Variants in SLK observed in about 807,000 individuals in gnomAD.
SLK encodes STE20 like kinase.
Under a neutral mutation model 147.7 loss-of-function variants are expected in SLK, and 67 were observed. The observed-to-expected ratio is 0.45, with a 90% CI of 0.37 to 0.56. The LOEUF (loss-of-function observed/expected upper bound fraction) is 0.56, where lower values mean the gene tolerates loss of function less well. SLK is among the 20% of genes least tolerant of loss of function. The probability of loss-of-function intolerance (pLI) is 0.00; values close to 1 mark genes in which losing one functional copy is unlikely to be tolerated. For synonymous variants in SLK, 441 were observed against 475.0 expected (o/e 0.93, Z 0.93); for missense variants, 1,136 against 1,438.8 (o/e 0.79, Z 3.41).
intron 1 of SLK, among the ~76,000 whole-genome samples, chr10:103,975,334 C>T (rs892531937): frequency 6.6e-6 from 1 of 152,116 alleles, no homozygotes; most frequent in African/African-American, 2.4e-5. Flanking sequence ...TGTCTTCCCA[C>T]TCAGTAATTA....
In SLK at chr10:103,990,788, C is replaced by A; in HGVS notation, c.264C>A (p.His88Gln). 1 of 1,552,488 alleles carries A rather than the reference C, an allele frequency of 6.4e-7. No individual in the cohort carries two copies. Among genetic ancestry groups the A allele is most frequent in the South Asian group, 1.3e-5 (1 of 79,074 alleles). Residue 88 changes from histidine (H) to glutamine (Q), a missense_variant, in exon 2 of 19, where the codon CAC (histidine) becomes CAA (glutamine). This residue lies in a region of SLK where 126 missense variants were observed against 141.3 expected (regional missense o/e 0.89). Transcript: ENST00000369755. ...VEIDILASCD[H>Q]PNIVKLLDAF... Reference sequence around the variant, plus strand: ...TTGACATATTAGCATCTTGTGATCACCCAAATATAGTCAAGCTTCTAGATG... The same window carrying A: ...TTGACATATTAGCATCTTGTGATCAACCAAATATAGTCAAGCTTCTAGATG...
In SLK at chr10:104,018,261, C is replaced by G; in HGVS notation, c.2979C>G (p.Cys993Trp). ...AGTTAGCTAATATTGAGAGAGAGTG[C>G]CTGAATAACAAGCAACAGCTCATGA... ...KAELANIERE[C>W]LNNKQQLMRA... The change falls in exon 14 of 19, where the codon TGC (cysteine) becomes TGG (tryptophan). Residue 993 changes from cysteine (C) to tryptophan (W), a missense_variant. Coordinates refer to ENST00000369755, the MANE Select transcript of SLK (RefSeq NM_014720.4). 7 of 1,594,430 alleles carry G rather than the reference C, an allele frequency of 4.4e-6. No individual in the cohort carries two copies. The highest frequency in any genetic ancestry group is 5.1e-6 in the Non-Finnish European group (6 of 1,175,068).
At chr10:104,000,590 G>A (rs1421318913) in intron 7 of SLK, among the ~76,000 whole-genome samples, 1 of 152,146 alleles carries the variant, frequency 6.6e-6, no homozygotes, top group African/African-American at 2.4e-5. Flanking sequence ...CTTAGTCTGC[G>A]ACAGACACTG....
chr10:103,996,431 C>G (rs946316273), intron 4 of SLK, among the ~76,000 whole-genome samples: 4 of 125,672 alleles, frequency 3.2e-5, no homozygotes, highest in Non-Finnish European at 4.7e-5. Context: ...CGGAGTCTTG[C>G]TCTTTCACCC....
rs968284011 is a variant in SLK, at chr10:103,967,658, G to C, written c.-88G>C. 3 of 1,220,044 alleles carry C rather than the reference G, an allele frequency of 2.5e-6. No individual in the cohort carries two copies. Among genetic ancestry groups the C allele is most frequent in the Non-Finnish European group, 1.1e-6 (1 of 923,544 alleles). The allele number at this position is 1,220,044 out of a possible 1,614,324, so 75.6% of individuals were successfully genotyped here. A position where few individuals can be genotyped will look rare whatever the true frequency, so the allele number is the denominator to read the frequency against. ...GACGCCGCGCCCGCCGCCGCCAGCC[G>C]GGCTCGCGCGGGAGAGCAGGGAAGA... is the stretch of plus-strand genomic sequence containing the variant. On this transcript the variant is annotated 5_prime_UTR_variant, in exon 1 of 19. Coordinates refer to ENST00000369755, the MANE Select transcript of SLK (RefSeq NM_014720.4).
At chr10:104,011,536 A>T (rs566487397) in intron 13 of SLK, among the ~76,000 whole-genome samples, 1 of 152,000 alleles carries the variant, frequency 6.6e-6, no homozygotes, top group Non-Finnish European at 1.5e-5. Context: ...TGATAAAGTT[A>T]AGCCTTGTCA....
At chr10:104,019,977 T>G in intron 16 of SLK, 55 bp downstream of exon 16, 1 of 1,352,140 alleles carries the variant, frequency 7.4e-7, no homozygotes, top group Non-Finnish European at 1.0e-6. Context: ...TGAATGACCA[T>G]TAGAAGTTCT....
At chr10:104,008,090 G>C in intron 11 of SLK, 87 bp from the exon 12 acceptor site, 1 of 1,001,150 alleles carries the variant, frequency 1.0e-6, no homozygotes, top group Non-Finnish European at 1.5e-6. Context: ...TTAAATACTA[G>C]TTATGTTCTC....
intron 1 of SLK, chr10:103,974,850 T>TTTTTTA (rs1430798952): frequency 1.6e-5 from 2 of 127,448 alleles, no homozygotes; most frequent in Non-Finnish European, 3.2e-5. Flanking sequence ...TTTTTTTTTT[T>TTTTTTA]AGTAGAGACA....
At position 103,972,651 on chromosome 10, in the gene SLK, G is replaced by A. The variant is rs192783562; in HGVS notation, c.150+4756G>A. Among the ~76,000 whole-genome samples, 189 of 138,636 alleles carry A rather than the reference G, an allele frequency of 1.4e-3. 1 individual carries two copies. Among genetic ancestry groups the A allele is most frequent in the African/African-American group, 4.9e-3 (180 of 36,796 alleles). 91.0% of individuals were successfully genotyped at this position (138,636 alleles called of 152,430 possible). A position where few individuals can be genotyped will look rare whatever the true frequency, so the allele number is the denominator to read the frequency against. ...CGCACCACTGCACTCCAGCCTGGGC[G>A]AAAGAGCAAGACTCCGTCTCAAAAA... is the stretch of plus-strand genomic sequence containing the variant. On this transcript the variant is annotated intron_variant, in intron 1 of 18. Coordinates refer to ENST00000369755, the MANE Select transcript of SLK (RefSeq NM_014720.4).
rs562554117 is a variant in SLK at position 104,004,045 on chromosome 10, G to A, written c.2349+518G>A. On this transcript the variant is annotated intron_variant, in intron 9 of 18. Transcript: ENST00000369755. ...TTTAGTGTGCTTAGGAGTTACTAGCGGCTATGTAGAAGTCTGGAGTGGGTC... is the reference window on the plus strand; with the variant it reads ...TTTAGTGTGCTTAGGAGTTACTAGCAGCTATGTAGAAGTCTGGAGTGGGTC... Among the ~76,000 whole-genome samples the A allele has an allele frequency of 9.2e-5, 14 of 152,126 alleles. No homozygotes were observed. The East Asian group carries it at 1.4e-3, about 15-fold the overall frequency.
intron 4 of SLK, 113 bp downstream of exon 4, chr10:103,993,246 T>A: frequency 1.5e-6 from 1 of 674,166 alleles, no homozygotes; most frequent in Non-Finnish European, 2.4e-6. Context: ...CATGGAGAAC[T>A]AACTCCATGC....
intron 17 of SLK, among the ~76,000 whole-genome samples, chr10:104,020,948 C>A (rs805672): frequency 0.2 from 29,944 of 151,996 alleles, 3,131 homozygotes; most frequent in African/African-American, 0.26. Flanking sequence ...TTGTCATATT[C>A]TGAATTTTTT....
At chr10:103,990,570 T>A (rs1844078998) in intron 1 of SLK, 105 bp from the exon 2 acceptor site, 2 of 625,396 alleles carry the variant, frequency 3.2e-6, no homozygotes, top group African/African-American at 3.9e-5. Flanking sequence ...AGCCTAAACG[T>A]AAATATGAAT....
At chr10:104,022,331 T>C (rs1844546624) in intron 18 of SLK, among the ~76,000 whole-genome samples, 1 of 152,122 alleles carries the variant, frequency 6.6e-6, no homozygotes, top group African/African-American at 2.4e-5. Flanking sequence ...TCTGGTAAAA[T>C]AGGGATGGTG....
At chr10:104,018,340 C>T (rs2134528863) in intron 14 of SLK, 51 bp downstream of exon 14, 1 of 1,510,708 alleles carries the variant, frequency 6.6e-7, no homozygotes, top group African/African-American at 1.4e-5. Flanking sequence ...TTCCTTATGA[C>T]AGTAGAAGTG....
chr10:104,020,954 T>G (rs1844526007), intron 17 of SLK, among the ~76,000 whole-genome samples: 1 of 152,206 alleles, frequency 6.6e-6, no homozygotes. Context: ...TATTCTGAAT[T>G]TTTTGTCAGA....
chr10:103,967,234 C>G lies in SLK; in HGVS notation c.-512C>G, dbSNP rs979860082. On this transcript the variant is annotated 5_prime_UTR_variant, in exon 1 of 19. Coordinates refer to ENST00000369755, the MANE Select transcript of SLK (RefSeq NM_014720.4). ...GGCGCCCCAGACCCGAGGGGACGCG[C>G]GGGCCTTGCGCCGCGGGAGCGGACG... 1 of 151,766 alleles carries G rather than the reference C, an allele frequency of 6.6e-6. No homozygotes were observed. The highest frequency in any genetic ancestry group is 2.4e-5 in the African/African-American group (1 of 41,302). The allele number at this position is 151,766 out of a possible 1,614,324, so 9.4% of individuals were successfully genotyped here. A position where few individuals can be genotyped will look rare whatever the true frequency, so the allele number is the denominator to read the frequency against.
At chr10:104,020,029 C>T in intron 16 of SLK, 107 bp downstream of exon 16, 2 of 831,260 alleles carry the variant, frequency 2.4e-6, no homozygotes, top group Non-Finnish European at 3.8e-6. Flanking sequence ...CCACCTTAGG[C>T]TTGTTGATGT....
Sources: allele counts gnomAD v4.1 joint callset (sites outside exome capture counted in the v4.1 genomes callset), GRCh38; gene constraint gnomAD v4.1.1; regional missense constraint gnomAD v4.1.1; transcripts MANE v1.5; gene names NCBI Gene and HGNC (gene_info 2026-07-23, HGNC 2026-07-21).